The following FAM110B variants were observed in gnomAD, a reference collection of about 807,000 sequenced individuals.
The protein encoded by FAM110B is protein FAM110B.
Under a neutral mutation model 20.4 loss-of-function variants are expected in FAM110B, and 6 were observed. The observed-to-expected ratio is 0.29, with a 90% CI of 0.16 to 0.58. The LOEUF (loss-of-function observed/expected upper bound fraction) is 0.58. Ranked by LOEUF, FAM110B falls within the 20% of genes least tolerant of loss-of-function variation. FAM110B has a pLI of 0.90. For missense variants in FAM110B, 434 were observed against 498.2 expected, an observed-to-expected ratio of 0.87 and a Z score of 1.23; for synonymous variants, 226 against 214.1, an observed-to-expected ratio of 1.06 and a Z score of -0.49.
chr8:58,028,723 A>G (rs983363885), intron 1 of FAM110B, among the ~76,000 whole-genome samples: 1 of 152,142 alleles, frequency 6.6e-6, no homozygotes, highest in Admixed American at 6.5e-5. Flanking sequence ...TTTCCTGACC[A>G]TGTGTGTGCA....
chr8:58,032,004 C>A (rs1174308005), intron 2 of FAM110B, among the ~76,000 whole-genome samples: 1 of 152,224 alleles, frequency 6.6e-6, no homozygotes, highest in Non-Finnish European at 1.5e-5. Context: ...CAAAAACCAT[C>A]CTTGTAGAAC....
chr8:58,136,884 A>G (rs1803632735), intron 3 of FAM110B, among the ~76,000 whole-genome samples: 1 of 152,230 alleles, frequency 6.6e-6, no homozygotes, highest in Admixed American at 6.5e-5. Context: ...TGACTTCTCT[A>G]AATGACCTTG....
intron 1 of FAM110B, among the ~76,000 whole-genome samples, chr8:58,007,989 G>A (rs948702523): frequency 5.9e-5 from 9 of 152,068 alleles, no homozygotes; most frequent in Admixed American, 3.3e-4. Context: ...TCAACAAGAA[G>A]GTAAATTTCT....
At chr8:58,130,803 A>G (rs909439999) in intron 3 of FAM110B, among the ~76,000 whole-genome samples, 3 of 152,252 alleles carry the variant, frequency 2.0e-5, no homozygotes, top group African/African-American at 7.2e-5. Flanking sequence ...TCTGTCTTAC[A>G]GATGATGAAA....
chr8:58,012,983 C>A (rs1204220054), intron 1 of FAM110B, among the ~76,000 whole-genome samples: 2 of 152,118 alleles, frequency 1.3e-5, no homozygotes, highest in East Asian at 3.9e-4. Flanking sequence ...GCTGGTGTCT[C>A]CCTGCTGGGA....
At chr8:58,058,877 A>G (rs552096469) in intron 2 of FAM110B, among the ~76,000 whole-genome samples, 1 of 152,338 alleles carries the variant, frequency 6.6e-6, no homozygotes, top group South Asian at 2.1e-4. Flanking sequence ...TCTAACAAAT[A>G]TATACACTCA....
At chr8:58,113,000 G>A (rs1807101240) in intron 3 of FAM110B, among the ~76,000 whole-genome samples, 2 of 152,180 alleles carry the variant, frequency 1.3e-5, no homozygotes, top group South Asian at 4.1e-4. Flanking sequence ...TGGGCTCACA[G>A]ATGGACATCT....
intron 2 of FAM110B, among the ~76,000 whole-genome samples, chr8:58,057,281 G>A (rs1000287492): frequency 3.3e-5 from 5 of 152,138 alleles, no homozygotes; most frequent in African/African-American, 9.7e-5. Flanking sequence ...CACACACTAT[G>A]GGCACAGATA....
chr8:58,046,748 A>G lies in FAM110B; in HGVS notation c.-414+15045A>G, dbSNP rs73681775. 8.3e-3 allele frequency among the ~76,000 whole-genome samples: 1,265 copies of G among 152,320 alleles called. 29 individuals are homozygous for G. The highest frequency in any genetic ancestry group is 0.029 in the African/African-American group (1,195 of 41,574). On this transcript the variant is annotated intron_variant, in intron 2 of 3. Coordinates refer to ENST00000519262, the MANE Select transcript of FAM110B (RefSeq NM_001377989.1). ...CTGCTCCTGCTCTCACTTATTTTGCAAGAAGAGTCATTGATGCCAAGTCAG... is the reference window on the plus strand; with the variant it reads ...CTGCTCCTGCTCTCACTTATTTTGCGAGAAGAGTCATTGATGCCAAGTCAG...
intron 3 of FAM110B, among the ~76,000 whole-genome samples, chr8:58,085,684 T>C (rs1230741720): frequency 2.0e-5 from 3 of 152,178 alleles, no homozygotes; most frequent in Non-Finnish European, 4.4e-5. Flanking sequence ...TATGAAACAT[T>C]TTAAGATCAT....
At chr8:58,130,571 A>G (rs76023955) in intron 3 of FAM110B, among the ~76,000 whole-genome samples, 8,918 of 152,264 alleles carry the variant, frequency 0.059, 838 homozygotes, top group African/African-American at 0.2. Flanking sequence ...GTTCTGTGGA[A>G]TGTATGTGAA....
intron 1 of FAM110B, among the ~76,000 whole-genome samples, chr8:58,007,049 A>G (rs1373613129): frequency 6.6e-6 from 1 of 151,840 alleles, no homozygotes; most frequent in Admixed American, 6.6e-5. Flanking sequence ...GCCAGGCACC[A>G]TGCTGCTACC....
At chr8:58,098,371 A>G (rs979586455) in intron 3 of FAM110B, among the ~76,000 whole-genome samples, 6 of 152,202 alleles carry the variant, frequency 3.9e-5, no homozygotes, top group Non-Finnish European at 8.8e-5. Context: ...TTCACGCTTC[A>G]GTAATGACAG....
At chr8:58,049,274 A>G (rs1805392783) in intron 2 of FAM110B, among the ~76,000 whole-genome samples, 1 of 152,192 alleles carries the variant, frequency 6.6e-6, no homozygotes, top group Non-Finnish European at 1.5e-5. Flanking sequence ...TGGATGGATG[A>G]AATTTTGTGG....
At chr8:58,104,153 T>G (rs1393093641) in intron 3 of FAM110B, among the ~76,000 whole-genome samples, 1 of 152,196 alleles carries the variant, frequency 6.6e-6, no homozygotes, top group African/African-American at 2.4e-5. Context: ...AAGAAACACA[T>G]TGATTGGATA....
At chr8:58,029,380 C>G (rs1165690600) in intron 1 of FAM110B, among the ~76,000 whole-genome samples, 2 of 152,084 alleles carry the variant, frequency 1.3e-5, no homozygotes, top group Admixed American at 1.3e-4. Context: ...AAGAATATCC[C>G]AAATTTCATT....
chr8:58,039,759 A>T (rs1031214663), intron 2 of FAM110B, among the ~76,000 whole-genome samples: 1 of 152,010 alleles, frequency 6.6e-6, no homozygotes, highest in Non-Finnish European at 1.5e-5. Context: ...ATACACACAC[A>T]CATACACACA....
chr8:58,113,864 T>G (rs1197312797), intron 3 of FAM110B, among the ~76,000 whole-genome samples: 4 of 152,210 alleles, frequency 2.6e-5, no homozygotes, highest in Admixed American at 2.0e-4. Context: ...ATGTCTTAGC[T>G]GAAACTTCAT....
chr8:58,038,299 T>C (rs1364945716), intron 2 of FAM110B, among the ~76,000 whole-genome samples: 2 of 152,186 alleles, frequency 1.3e-5, no homozygotes, highest in Non-Finnish European at 2.9e-5. Context: ...TACTCAGAGC[T>C]GTGTTATATT....
Sources: allele counts gnomAD v4.1 joint callset (sites outside exome capture counted in the v4.1 genomes callset), GRCh38; gene constraint gnomAD v4.1.1; transcripts MANE v1.5; gene names NCBI Gene and HGNC (gene_info 2026-07-23, HGNC 2026-07-21).